Variants in GALNT13 observed in about 807,000 individuals in gnomAD.
The protein encoded by GALNT13 is UDP-GalNAc:polypeptide N-acetylgalactosaminyltransferase 13.
Under a neutral mutation model 64.2 loss-of-function variants are expected in GALNT13, and 28 were observed. That is an observed-to-expected ratio of 0.44 (90% CI 0.32 to 0.60). GALNT13 has a LOEUF of 0.60. Ranked by LOEUF, GALNT13 falls within the 20% of genes least tolerant of loss-of-function variation. GALNT13 has a pLI of 0.05. For synonymous variants in GALNT13, 214 were observed against 224.6 expected (o/e 0.95, Z 0.42); for missense variants, 577 against 669.8 (o/e 0.86, Z 1.53).
At chr2:154,379,162 T>G (rs574993201) in intron 9 of GALNT13, among the ~76,000 whole-genome samples, 34 of 152,260 alleles carry the variant, frequency 2.2e-4, no homozygotes, top group African/African-American at 7.9e-4. Flanking sequence ...CTAAATGTTA[T>G]GTCATTCGCT....
the GALNT13 span, among the ~76,000 whole-genome samples, chr2:153,508,929 C>T: frequency 6.6e-6 from 1 of 152,168 alleles, no homozygotes; most frequent in Non-Finnish European, 1.5e-5. Flanking sequence ...GGTTCTCTTC[C>T]TCTGAGCCGT....
chr2:153,946,372 T>C (rs1327154131), intron 3 of GALNT13, among the ~76,000 whole-genome samples: 1 of 152,130 alleles, frequency 6.6e-6, no homozygotes, highest in Non-Finnish European at 1.5e-5. Context: ...AAAAATAACT[T>C]TTCCTTGTAC....
chr2:153,469,547 G>A, the GALNT13 span, among the ~76,000 whole-genome samples: 10 of 151,972 alleles, frequency 6.6e-5, no homozygotes, highest in East Asian at 3.9e-4. Flanking sequence ...GAACAATGAC[G>A]GTTCAATTTC....
chr2:153,281,075 G>A, the GALNT13 span, among the ~76,000 whole-genome samples: 3 of 151,892 alleles, frequency 2.0e-5, no homozygotes, highest in Non-Finnish European at 2.9e-5. Context: ...AGAATAGCTA[G>A]GTTTTCTTGT....
At chr2:153,118,941 T>A in the GALNT13 span, among the ~76,000 whole-genome samples, 1 of 152,164 alleles carries the variant, frequency 6.6e-6, no homozygotes, top group Non-Finnish European at 1.5e-5. Context: ...AGGAACCTGG[T>A]GGGAGGCAAT....
the GALNT13 span, among the ~76,000 whole-genome samples, chr2:153,786,730 G>C: frequency 6.6e-6 from 1 of 151,856 alleles, no homozygotes; most frequent in Admixed American, 6.6e-5. Flanking sequence ...ATTCCTTGGA[G>C]GTGGAACCCC....
At chr2:153,293,589 T>C in the GALNT13 span, among the ~76,000 whole-genome samples, 1 of 152,204 alleles carries the variant, frequency 6.6e-6, no homozygotes, top group African/African-American at 2.4e-5. Context: ...TTTGGACTTC[T>C]GACCTCCAGA....
chr2:154,163,088 CTTTA>C lies in GALNT13; in HGVS notation c.311+22588_311+22591del, dbSNP rs1193441262. 2.7e-5 allele frequency among the ~76,000 whole-genome samples: 4 copies of C among 149,858 alleles called. No individual in the cohort carries two copies. The East Asian group carries it at 8.8e-4, about 33-fold the overall frequency. On this transcript the variant is annotated intron_variant, in intron 4 of 12. Coordinates refer to ENST00000392825, the MANE Select transcript of GALNT13 (RefSeq NM_052917.4). ...TGTTGGTGTGTTGCACCCATTAACTCTTTATTTAACATTAGGTATATCTCCTAAT... is the reference window on the plus strand; with the variant it reads ...TGTTGGTGTGTTGCACCCATTAACTCTTTAACATTAGGTATATCTCCTAAT...
chr2:154,215,950 T>C (rs1461943128), intron 4 of GALNT13, among the ~76,000 whole-genome samples: 1 of 151,994 alleles, frequency 6.6e-6, no homozygotes. Context: ...ATACATTTTG[T>C]AGTTAGAATA....
chr2:153,265,308 C>T, the GALNT13 span, among the ~76,000 whole-genome samples: 1 of 152,158 alleles, frequency 6.6e-6, no homozygotes, highest in Non-Finnish European at 1.5e-5. Context: ...ACCCTGGAGC[C>T]TTTATCTCAT....
the GALNT13 span, among the ~76,000 whole-genome samples, chr2:153,837,966 A>T: frequency 6.6e-6 from 1 of 152,010 alleles, no homozygotes; most frequent in South Asian, 2.1e-4. Flanking sequence ...AACCTTTCTA[A>T]CAAGTGTGAG....
chr2:153,256,392 C>G, the GALNT13 span, among the ~76,000 whole-genome samples: 6 of 152,262 alleles, frequency 3.9e-5, no homozygotes, highest in African/African-American at 7.2e-5. Flanking sequence ...AAGTTTTCAA[C>G]TTCTTTGCCT....
At chr2:153,146,171 GT>G in the GALNT13 span, among the ~76,000 whole-genome samples, 1,531 of 139,334 alleles carry the variant, frequency 0.011, 8 homozygotes, top group African/African-American at 0.024. Context: ...TTTATGGAGG[GT>G]TTTTTTTTTT....
rs62171187 is a variant in GALNT13, at chr2:154,148,758, G to A, written c.311+8253G>A. Among the ~76,000 whole-genome samples, 5 of 152,218 alleles carry A rather than the reference G, an allele frequency of 3.3e-5. No individual in the cohort carries two copies. The South Asian group carries it at 8.3e-4, about 25-fold the overall frequency. ...AGTGTCTGTTCATGTCCTTCGCCCA[G>A]TTTTTGATGGGGTTGTTTTGTTTTT... On this transcript the variant is annotated intron_variant, in intron 4 of 12. Coordinates refer to ENST00000392825, the MANE Select transcript of GALNT13 (RefSeq NM_052917.4).
the GALNT13 span, among the ~76,000 whole-genome samples, chr2:153,699,006 C>T: frequency 1.5e-4 from 23 of 152,146 alleles, no homozygotes; most frequent in Admixed American, 3.9e-4. Flanking sequence ...AGGCGGATCA[C>T]GAGGTCAAGA....
chr2:153,303,803 G>T, the GALNT13 span, among the ~76,000 whole-genome samples: 1 of 152,038 alleles, frequency 6.6e-6, no homozygotes, highest in Admixed American at 6.6e-5. Context: ...CAGGGGTGGG[G>T]ATAGATAGAG....
chr2:153,105,458 G>C, the GALNT13 span, among the ~76,000 whole-genome samples: 2 of 152,030 alleles, frequency 1.3e-5, no homozygotes, highest in African/African-American at 4.8e-5. Context: ...TTTGAAAACT[G>C]GCACAAGACA....
At chr2:153,673,804 A>AC in the GALNT13 span, among the ~76,000 whole-genome samples, 1 of 152,168 alleles carries the variant, frequency 6.6e-6, no homozygotes, top group South Asian at 2.1e-4. Context: ...CATTTAGAGA[A>AC]CCCCATCATC....
At chr2:153,374,251 C>T in the GALNT13 span, among the ~76,000 whole-genome samples, 1 of 152,192 alleles carries the variant, frequency 6.6e-6, no homozygotes, top group Non-Finnish European at 1.5e-5. Flanking sequence ...TTCTTGCCAA[C>T]ACTTGTTACC....
Sources: allele counts gnomAD v4.1 joint callset (sites outside exome capture counted in the v4.1 genomes callset), GRCh38; gene constraint gnomAD v4.1.1; transcripts MANE v1.5; gene names NCBI Gene and HGNC (gene_info 2026-07-23, HGNC 2026-07-21).